The following PACC1 variants were observed in gnomAD, a reference collection of about 807,000 sequenced individuals.
The protein encoded by PACC1 is proton activated chloride channel 1, also known as proton-activated chloride channel.
Under a neutral mutation model 39.7 loss-of-function variants are expected in PACC1, and 34 were observed. The ratio of observed to expected loss-of-function variants is 0.86; its 90% CI spans 0.65 to 1.14. The LOEUF is 1.14. Ranked by LOEUF, PACC1 falls within the 50% of genes most tolerant of loss-of-function variation. The pLI, the probability that PACC1 is intolerant of heterozygous loss-of-function variation, is 0.00. For synonymous variants in PACC1, 127 were observed against 160.6 expected (o/e 0.79, Z 1.58); for missense variants, 379 against 436.4 (o/e 0.87, Z 1.17).
At chr1:212,404,766 G>A (rs1661846470) in intron 2 of PACC1, among the ~76,000 whole-genome samples, 1 of 136,432 alleles carries the variant, frequency 7.3e-6, no homozygotes, top group Admixed American at 7.5e-5. Context: ...GCTAATTTTT[G>A]TATTTGTATT....
chr1:212,408,301 G>A (rs1263906589), intron 2 of PACC1, among the ~76,000 whole-genome samples: 1 of 152,062 alleles, frequency 6.6e-6, no homozygotes, highest in African/African-American at 2.4e-5. Context: ...AGGAGAAGCA[G>A]TCAGGAAATG....
At chr1:212,391,256 G>A (rs143070923) in intron 2 of PACC1, among the ~76,000 whole-genome samples, 2,189 of 152,266 alleles carry the variant, frequency 0.014, 50 homozygotes, top group African/African-American at 0.049. Flanking sequence ...CCAGAGGAAC[G>A]ATCAGACAGC....
At chr1:212,376,137 C>T (rs905358592) in intron 6 of PACC1, among the ~76,000 whole-genome samples, 6 of 152,050 alleles carry the variant, frequency 3.9e-5, no homozygotes, top group African/African-American at 1.2e-4. Flanking sequence ...TTACTAAAGA[C>T]GCTGTGTGGT....
chr1:212,383,245 A>C (rs1558170506), intron 4 of PACC1, among the ~76,000 whole-genome samples: 2 of 152,098 alleles, frequency 1.3e-5, no homozygotes, highest in Non-Finnish European at 2.9e-5. Context: ...GGGTTTTTAC[A>C]CTCTTTAGTC....
chr1:212,410,652 C>G (rs1321841601), intron 1 of PACC1, 131 bp from the exon 2 acceptor site: 2 of 824,280 alleles, frequency 2.4e-6, no homozygotes, highest in Non-Finnish European at 4.2e-6. Context: ...GAGTGTGTTA[C>G]AGCAATTTTA....
Position 212,385,368 on chromosome 1 carries a change from A to C in PACC1, c.401T>G (p.Val134Gly), listed in dbSNP as rs757211734. The C allele has an allele frequency of 6.2e-7, 1 of 1,613,946 alleles. No homozygotes were observed. Among genetic ancestry groups the C allele is most frequent in the South Asian group, 1.1e-5 (1 of 91,054 alleles). ...GCCAGGGCTTGTCAGAGGAGGAATG[A>C]CCTCGTAATGGTGCTTACAGCTGAG... ...QLLSCKHHYE[V>G]IPPLTSPGQP... The change falls in exon 4 of 8, where the codon GTC becomes GGC. Residue 134 changes from valine (V) to glycine (G), a missense_variant. Physicochemically the swap from Val to Gly is moderately radical, Grantham distance 109. Coordinates refer to ENST00000261455, the MANE Select transcript of PACC1 (RefSeq NM_018252.3).
chr1:212,373,102 A>G (rs567134301), intron 7 of PACC1, among the ~76,000 whole-genome samples: 46 of 152,362 alleles, frequency 3.0e-4, no homozygotes, highest in Non-Finnish European at 5.6e-4. Flanking sequence ...CTGACTTCAA[A>G]ATATACTACA....
intron 2 of PACC1, among the ~76,000 whole-genome samples, chr1:212,404,051 T>C (rs1040330866): frequency 6.6e-6 from 1 of 152,180 alleles, no homozygotes; most frequent in African/African-American, 2.4e-5. Flanking sequence ...TCCAGCCACA[T>C]TCATCTGAAT....
chr1:212,381,695 G>GCACACACACACA (rs58078220), intron 4 of PACC1, among the ~76,000 whole-genome samples: 3 of 122,758 alleles, frequency 2.4e-5, no homozygotes, highest in Non-Finnish European at 3.5e-5. Flanking sequence ...CACACACACT[G>GCACACACACACA]CACACACACA....
Position 212,399,066 on chromosome 1 carries a change from A to T in PACC1, c.133+11359T>A, listed in dbSNP as rs189082148. ...AATGGGACCATGGGTATCCTTCAAAACCTGATGGGTGAAAATACATTCACT... is the reference window on the plus strand; with the variant it reads ...AATGGGACCATGGGTATCCTTCAAATCCTGATGGGTGAAAATACATTCACT... On this transcript the variant is annotated intron_variant, in intron 2 of 7. Coordinates refer to ENST00000261455, the MANE Select transcript of PACC1 (RefSeq NM_018252.3). Among the ~76,000 whole-genome samples the T allele has an allele frequency of 7.2e-4, 109 of 152,238 alleles. 1 individual carries two copies. Among genetic ancestry groups the T allele is most frequent in the Admixed American group, 6.6e-3 (101 of 15,292 alleles).
chr1:212,394,550 A>G (rs1222300457), intron 2 of PACC1, among the ~76,000 whole-genome samples: 2 of 151,892 alleles, frequency 1.3e-5, no homozygotes, highest in Admixed American at 6.6e-5. Flanking sequence ...CTCTCTCACC[A>G]CTCCTATTCA....
intron 7 of PACC1, among the ~76,000 whole-genome samples, chr1:212,374,049 G>GAAAAAAAAAAAAAAAAA (rs199738815): frequency 4.4e-5 from 4 of 90,008 alleles, no homozygotes; most frequent in Non-Finnish European, 5.3e-5. Context: ...AAAAAGAAAA[G>GAAAAAAAAAAAAAAAAA]AAAAAAAAAA....
intron 2 of PACC1, among the ~76,000 whole-genome samples, chr1:212,397,891 C>T (rs142703343): frequency 6.2e-4 from 94 of 152,306 alleles, no homozygotes; most frequent in East Asian, 5.2e-3. Context: ...GCAGTGGTTA[C>T]GAGCATGAGC....
intron 4 of PACC1, 59 bp from the exon 5 acceptor site, chr1:212,380,096 T>C: frequency 6.3e-7 from 1 of 1,575,140 alleles, no homozygotes; most frequent in Non-Finnish European, 8.6e-7. Context: ...GGCCTCTGGG[T>C]CTGAGGGCAG....
At position 212,387,068 on chromosome 1, in the gene PACC1, G is replaced by A. The variant is rs1272658069; in HGVS notation, c.166C>T (p.Arg56Cys). The change falls in exon 3 of 8, where the codon CGC (arginine) becomes TGC (cysteine). Residue 56 changes from arginine (R) to cysteine (C), a missense_variant. Physicochemically the swap from Arg to Cys is radical, Grantham distance 180. Coordinates refer to ENST00000261455, the MANE Select transcript of PACC1 (RefSeq NM_018252.3). ...LDSESASSSI[R>C]FSKACLKNVF... ...TTCTTCAGGCAGGCCTTGCTGAAGC[G>A]GATGCTGCTGGAGGCGGACTCGCTG... 4.3e-6 allele frequency: 7 copies of A among 1,613,984 alleles called. No individual in the cohort carries two copies. The highest frequency in any genetic ancestry group is 1.7e-5 in the Admixed American group (1 of 60,004).
chr1:212,388,061 A>G (rs1423120629), intron 2 of PACC1, among the ~76,000 whole-genome samples: 3 of 147,326 alleles, frequency 2.0e-5, no homozygotes, highest in Non-Finnish European at 2.9e-5. Flanking sequence ...TCTCAAAAAA[A>G]AAAAAAAAAG....
intron 7 of PACC1, 115 bp from the exon 8 acceptor site, chr1:212,365,491 C>T (rs371692119): frequency 2.2e-5 from 25 of 1,135,450 alleles, no homozygotes; most frequent in Non-Finnish European, 2.3e-5. Context: ...GTGTGCGTGG[C>T]GCAATCTCGG....
At chr1:212,406,105 CAAA>C (rs58332482) in intron 2 of PACC1, among the ~76,000 whole-genome samples, 1,164 of 55,776 alleles carry the variant, frequency 0.021, 7 homozygotes, top group African/African-American at 0.062. Flanking sequence ...TCCCACCCCA[CAAA>C]AAAAAAAAAA....
intron 1 of PACC1, among the ~76,000 whole-genome samples, chr1:212,412,868 G>A (rs1032111396): frequency 1.3e-5 from 2 of 152,154 alleles, no homozygotes; most frequent in South Asian, 2.1e-4. Flanking sequence ...TGAGCCAAGC[G>A]CTTTCCACAC....
Sources: allele counts gnomAD v4.1 joint callset (sites outside exome capture counted in the v4.1 genomes callset), GRCh38; gene constraint gnomAD v4.1.1; transcripts MANE v1.5; gene names NCBI Gene and HGNC (gene_info 2026-07-23, HGNC 2026-07-21).